The following ANAPC10 variants were observed in gnomAD, a reference collection of about 807,000 sequenced individuals.
ANAPC10 encodes anaphase promoting complex subunit 10.
ANAPC10 carries 12 observed loss-of-function variants against 22.0 expected under a neutral mutation model. That is an observed-to-expected ratio of 0.55 (90% CI 0.35 to 0.88). ANAPC10 has a LOEUF of 0.88. ANAPC10 is among the 40% of genes least tolerant of loss of function. The probability of loss-of-function intolerance (pLI) is 0.01; values close to 1 mark genes in which losing one functional copy is unlikely to be tolerated. For missense variants in ANAPC10, 188 were observed against 220.9 expected, an observed-to-expected ratio of 0.85 and a Z score of 0.94; for synonymous variants, 65 against 69.5, an observed-to-expected ratio of 0.94 and a Z score of 0.32.
At chr4:145,078,411 T>C (rs1745492172) in intron 3 of ANAPC10, among the ~76,000 whole-genome samples, 1 of 151,924 alleles carries the variant, frequency 6.6e-6, no homozygotes, top group African/African-American at 2.4e-5. Flanking sequence ...TGCTCATGGA[T>C]AGGAAGAATC....
chr4:145,081,641 T>A lies in ANAPC10; in HGVS notation c.206+19A>T. ...CTATAACCTACAGTAGATGAAAAAT[T>A]TGAAAATGTATTAATTACCTGAATT... On this transcript the variant is annotated intron_variant, in intron 3 of 4. Coordinates refer to ENST00000507656, the MANE Select transcript of ANAPC10 (RefSeq NM_001256706.2). 6.4e-7 allele frequency: 1 copy of A among 1,550,778 alleles called. No individual in the cohort carries two copies. The highest frequency in any genetic ancestry group is 1.2e-5 in the South Asian group (1 of 85,590).
chr4:145,057,745 T>C (rs1225745479), intron 4 of ANAPC10, among the ~76,000 whole-genome samples: 1 of 152,114 alleles, frequency 6.6e-6, no homozygotes, highest in Admixed American at 6.5e-5. Context: ...CCTCAGAATG[T>C]TCCTTCTCTG....
intron 3 of ANAPC10, among the ~76,000 whole-genome samples, chr4:145,066,931 A>AT: frequency 6.6e-6 from 1 of 152,292 alleles, no homozygotes; most frequent in East Asian, 1.9e-4. Flanking sequence ...TTCAATAGTC[A>AT]TTGATACGAG....
At chr4:145,034,361 A>C (rs1453776343) in intron 4 of ANAPC10, among the ~76,000 whole-genome samples, 1 of 151,992 alleles carries the variant, frequency 6.6e-6, no homozygotes. Context: ...CTAGGCTCCC[A>C]GCCTGCATCT....
chr4:145,011,185 A>G (rs1359553042), intron 4 of ANAPC10, among the ~76,000 whole-genome samples: 1 of 151,826 alleles, frequency 6.6e-6, no homozygotes, highest in Non-Finnish European at 1.5e-5. Flanking sequence ...TACAAAAATT[A>G]GCTGGGCTTG....
chr4:145,057,558 C>G (rs149464478), intron 4 of ANAPC10, among the ~76,000 whole-genome samples: 220 of 152,278 alleles, frequency 1.4e-3, no homozygotes, highest in African/African-American at 5.0e-3. Context: ...TATTTACACA[C>G]TGATGATTCC....
chr4:145,074,863 G>A (rs1744972086), intron 3 of ANAPC10, among the ~76,000 whole-genome samples: 1 of 152,068 alleles, frequency 6.6e-6, no homozygotes, highest in Non-Finnish European at 1.5e-5. Flanking sequence ...TACCTTTTGG[G>A]CTAAGTTTTT....
intron 4 of ANAPC10, among the ~76,000 whole-genome samples, chr4:145,016,474 CACAA>C (rs1482492332): frequency 1.3e-5 from 2 of 152,226 alleles, no homozygotes; most frequent in East Asian, 3.9e-4. Context: ...TAAAAGAGGA[CACAA>C]ACAAATGGAA....
At chr4:145,005,187 A>AT (rs1214686425) in intron 4 of ANAPC10, among the ~76,000 whole-genome samples, 1 of 151,970 alleles carries the variant, frequency 6.6e-6, no homozygotes, top group Non-Finnish European at 1.5e-5. Context: ...TGTAGCTGGG[A>AT]TTACAGGCGT....
chr4:145,072,898 G>GTTT (rs142772988), intron 3 of ANAPC10, among the ~76,000 whole-genome samples: 2 of 136,638 alleles, frequency 1.5e-5, no homozygotes. Context: ...TTACGTATCT[G>GTTT]TTTTTTTTTT....
intron 4 of ANAPC10, among the ~76,000 whole-genome samples, chr4:145,016,158 T>G (rs1259069175): frequency 6.6e-6 from 1 of 152,080 alleles, no homozygotes; most frequent in Admixed American, 6.5e-5. Context: ...GGTATTCAAT[T>G]AGGAAAAGAA....
intron 4 of ANAPC10, among the ~76,000 whole-genome samples, chr4:145,032,455 G>C (rs573996900): frequency 6.6e-6 from 1 of 152,358 alleles, no homozygotes; most frequent in East Asian, 1.9e-4. Context: ...GGCCTCTCTT[G>C]AGTGGTCAAA....
chr4:145,039,077 A>C (rs1214858628), intron 4 of ANAPC10, among the ~76,000 whole-genome samples: 1 of 116,428 alleles, frequency 8.6e-6, no homozygotes, highest in Admixed American at 8.7e-5. Flanking sequence ...AGCAGGCAAC[A>C]AATTCAACAG....
At chr4:145,097,428 A>G in intron 1 of ANAPC10, 3 of 1,196,810 alleles carry the variant, frequency 2.5e-6, no homozygotes, top group South Asian at 2.5e-5. Flanking sequence ...CTGCTTTGGT[A>G]GCGCAGTTAC....
intron 4 of ANAPC10, among the ~76,000 whole-genome samples, chr4:145,051,573 A>C (rs191239272): frequency 6.6e-6 from 1 of 152,302 alleles, no homozygotes; most frequent in Non-Finnish European, 1.5e-5. Context: ...AAAAGCATAA[A>C]ATGAGGTAGG....
At chr4:145,046,433 G>C (rs528153864) in intron 4 of ANAPC10, among the ~76,000 whole-genome samples, 1 of 151,958 alleles carries the variant, frequency 6.6e-6, no homozygotes, top group Admixed American at 6.6e-5. Context: ...AATTCCATAA[G>C]CACAAACAAT....
chr4:145,024,340 G>T (rs1736362870), intron 4 of ANAPC10, among the ~76,000 whole-genome samples: 1 of 152,280 alleles, frequency 6.6e-6, no homozygotes, highest in South Asian at 2.1e-4. Flanking sequence ...CATCTGGGAT[G>T]AATCTTTTCC....
chr4:145,096,237 C>A (rs1254991176), intron 1 of ANAPC10, 126 bp from the exon 2 acceptor site: 3 of 994,780 alleles, frequency 3.0e-6, no homozygotes, highest in Non-Finnish European at 4.4e-6. Flanking sequence ...CTGAAGAATG[C>A]AGTTAATATA....
chr4:145,036,498 T>A (rs1738555885), intron 4 of ANAPC10, among the ~76,000 whole-genome samples: 1 of 152,122 alleles, frequency 6.6e-6, no homozygotes, highest in South Asian at 2.1e-4. Context: ...TTGTTGCAAG[T>A]GCTACTGCAA....
Sources: gnomAD v4.1 joint callset for allele counts (sites outside exome capture counted in the v4.1 genomes callset) on GRCh38, gnomAD v4.1.1 for gene constraint, MANE v1.5 for transcripts, NCBI Gene and HGNC (gene_info 2026-07-23, HGNC 2026-07-21) for gene names.